The following COBL variants were observed in gnomAD, a reference collection of about 807,000 sequenced individuals.
COBL encodes cordon-bleu WH2 repeat protein.
In COBL, 51 loss-of-function variants were observed where a neutral mutation model predicts 98.8. The observed-to-expected ratio is 0.52, with a 90% CI of 0.41 to 0.65. The LOEUF is 0.65. COBL is among the 30% of genes least tolerant of loss of function. The pLI, the probability that COBL is intolerant of heterozygous loss-of-function variation, is 0.00. For synonymous variants in COBL, 634 were observed against 651.7 expected (o/e 0.97, Z 0.41); for missense variants, 1,617 against 1,617.5 (o/e 1.00, Z 0.01).
chr7:51,122,777 G>A (rs914375590), intron 6 of COBL, among the ~76,000 whole-genome samples: 15 of 152,178 alleles, frequency 9.9e-5, no homozygotes, highest in African/African-American at 3.1e-4. Flanking sequence ...TCAGGAGTTC[G>A]AGACCAGCCT....
At chr7:51,161,318 T>A (rs560310095) in intron 5 of COBL, among the ~76,000 whole-genome samples, 8 of 152,342 alleles carry the variant, frequency 5.3e-5, no homozygotes, top group Admixed American at 1.3e-4. Context: ...AGGCTCTCTG[T>A]AAGCATAGGA....
At chr7:51,051,863 A>ATGAC (rs57777918) in intron 7 of COBL, among the ~76,000 whole-genome samples, 2 of 151,674 alleles carry the variant, frequency 1.3e-5, no homozygotes, top group African/African-American at 4.9e-5. Flanking sequence ...GCTTAGAATC[A>ATGAC]GTTCAGCTAC....
At chr7:51,259,953 T>C in intron 1 of COBL, 1 of 756,952 alleles carries the variant, frequency 1.3e-6, no homozygotes, top group Non-Finnish European at 2.4e-6. Flanking sequence ...GTTTCACTTC[T>C]AGTCATCTGA....
In COBL at chr7:51,102,902, G is replaced by A. The variant is rs1795930113; in HGVS notation, c.958-17598C>T. On this transcript the variant is annotated intron_variant, in intron 6 of 12. Coordinates refer to ENST00000265136, the MANE Select transcript of COBL (RefSeq NM_015198.5). Reference sequence around the variant, plus strand: ...TGGAAAGGTGGTTGCCAGGCGATGAGGGGAAGAGGGAAATGGGAGTTGCTG... The same window carrying A: ...TGGAAAGGTGGTTGCCAGGCGATGAAGGGAAGAGGGAAATGGGAGTTGCTG... 2.6e-5 allele frequency among the ~76,000 whole-genome samples: 4 copies of A among 152,196 alleles called. No individual in the cohort carries two copies. In the South Asian group the frequency reaches 8.3e-4, roughly 32 times the overall value.
intron 8 of COBL, among the ~76,000 whole-genome samples, chr7:51,040,839 A>G (rs547016441): frequency 6.6e-6 from 1 of 152,356 alleles, no homozygotes; most frequent in African/African-American, 2.4e-5. Flanking sequence ...GCCATAGTCA[A>G]TATTAACCCT....
chr7:51,205,702 T>TA (rs1185661053), intron 2 of COBL, among the ~76,000 whole-genome samples: 2 of 148,632 alleles, frequency 1.3e-5, no homozygotes, highest in Admixed American at 1.4e-4. Context: ...AAAGCAAAAA[T>TA]AGACAAATAG....
intron 1 of COBL, among the ~76,000 whole-genome samples, chr7:51,315,983 G>A (rs982194762): frequency 1.5e-4 from 23 of 152,358 alleles, no homozygotes; most frequent in Admixed American, 1.4e-3. Context: ...CACTGCCAGG[G>A]GAGACCCTGG....
chr7:51,026,796 G>T, intron 10 of COBL, 131 bp from the exon 11 acceptor site: 1 of 1,145,114 alleles, frequency 8.7e-7, no homozygotes. Context: ...TACTCGGGAG[G>T]CTGTGGCACC....
At chr7:51,173,039 T>G (rs1205300488) in intron 5 of COBL, among the ~76,000 whole-genome samples, 3 of 152,118 alleles carry the variant, frequency 2.0e-5, no homozygotes, top group African/African-American at 7.2e-5. Flanking sequence ...TCTGCCCACC[T>G]TGGCCTCCCA....
At chr7:51,241,455 C>G (rs1460898742) in intron 1 of COBL, among the ~76,000 whole-genome samples, 2 of 152,222 alleles carry the variant, frequency 1.3e-5, no homozygotes, top group Non-Finnish European at 2.9e-5. Flanking sequence ...CTCGGAAGGC[C>G]TGGGTGCTCC....
intron 7 of COBL, chr7:51,072,171 A>G (rs1025390737): frequency 3.9e-5 from 6 of 152,078 alleles, no homozygotes; most frequent in African/African-American, 1.4e-4. Context: ...ATTTTGAGCA[A>G]TAACATTTAA....
chr7:51,055,421 G>A (rs564531616), intron 7 of COBL, among the ~76,000 whole-genome samples: 1 of 152,356 alleles, frequency 6.6e-6, no homozygotes, highest in African/African-American at 2.4e-5. Flanking sequence ...TTATGAAGGA[G>A]CTAGCAGGGC....
intron 6 of COBL, among the ~76,000 whole-genome samples, chr7:51,096,205 T>C (rs912301304): frequency 2.0e-5 from 3 of 152,130 alleles, no homozygotes; most frequent in African/African-American, 7.2e-5. Flanking sequence ...TAGAAATCAA[T>C]AGTAAAACGA....
At chr7:51,217,291 G>A (rs1793146663) in intron 2 of COBL, among the ~76,000 whole-genome samples, 1 of 151,100 alleles carries the variant, frequency 6.6e-6, no homozygotes, top group South Asian at 2.1e-4. Flanking sequence ...CTGGATCCAT[G>A]GACTGCAGAA....
chr7:51,202,113 C>A (rs1584151160), intron 2 of COBL, among the ~76,000 whole-genome samples: 1 of 152,102 alleles, frequency 6.6e-6, no homozygotes, highest in African/African-American at 2.4e-5. Context: ...ATAATGGCCT[C>A]AGACCTCAAG....
chr7:51,248,599 A>T (rs1796468499), intron 1 of COBL, among the ~76,000 whole-genome samples: 2 of 152,202 alleles, frequency 1.3e-5, no homozygotes, highest in African/African-American at 2.4e-5. Context: ...TTTTACAAAT[A>T]GGACACAAAT....
chr7:51,078,186 G>T (rs1402049427), intron 7 of COBL, among the ~76,000 whole-genome samples: 1 of 152,170 alleles, frequency 6.6e-6, no homozygotes, highest in African/African-American at 2.4e-5. Context: ...TCTTGCCAAA[G>T]AATTGGGTCA....
At chr7:51,286,849 G>C (rs890831498) in intron 1 of COBL, among the ~76,000 whole-genome samples, 44 of 152,194 alleles carry the variant, frequency 2.9e-4, no homozygotes, top group African/African-American at 1.0e-3. Flanking sequence ...GAAAGACATG[G>C]AATCAACCTA....
At chr7:51,237,032 A>G (rs1347151981) in intron 1 of COBL, among the ~76,000 whole-genome samples, 2 of 151,010 alleles carry the variant, frequency 1.3e-5, no homozygotes, top group Admixed American at 6.6e-5. Flanking sequence ...AACCCAGGGA[A>G]TATTTCCTTC....
Sources: allele counts gnomAD v4.1 joint callset (sites outside exome capture counted in the v4.1 genomes callset), GRCh38; gene constraint gnomAD v4.1.1; transcripts MANE v1.5; gene names NCBI Gene and HGNC (gene_info 2026-07-23, HGNC 2026-07-21).